The following LRP2 variants were observed in gnomAD, a reference collection of about 807,000 sequenced individuals.
LRP2 encodes low-density lipoprotein receptor-related protein 2.
A neutral mutation model predicts 531.0 loss-of-function variants in LRP2; 172 were observed. That is an observed-to-expected ratio of 0.32 (90% confidence interval 0.29 to 0.37). The LOEUF is 0.37. Among genes scored for constraint, LRP2 ranks in the 10% least tolerant of loss-of-function variants. The pLI is 1.00. For synonymous variants in LRP2, 1,992 were observed against 2,027.6 expected, an observed-to-expected ratio of 0.98 and a Z score of 0.47; for missense variants, 5,167 against 5,868.3, an observed-to-expected ratio of 0.88 and a Z score of 3.90.
intron 63 of LRP2, 44 bp from the exon 64 acceptor site, chr2:169,157,546 A>G (rs775756481): frequency 6.2e-7 from 1 of 1,607,842 alleles, no homozygotes; most frequent in African/African-American, 1.3e-5. Context: ...TCAGCCACAA[A>G]TAACAGTCAA....
Position 169,353,445 on chromosome 2 carries a change from G to A in LRP2, c.79+8876C>T, listed in dbSNP as rs559919674. Among the ~76,000 whole-genome samples the A allele has an allele frequency of 1.1e-4, 17 of 152,184 alleles. No individual in the cohort carries two copies. The South Asian group carries it at 2.1e-3, about 19-fold the overall frequency. On this transcript the variant is annotated intron_variant, in intron 1 of 78. Coordinates refer to ENST00000649046, the MANE Select transcript of LRP2 (RefSeq NM_004525.3). The stretch of plus-strand genomic sequence containing the variant: ...CTGCACCTCGCCTGAACCCCACTCT[G>A]CCTCAGTATTTTTTACTCACATAAG...
intron 54 of LRP2, among the ~76,000 whole-genome samples, chr2:169,175,914 C>T (rs1460840598): frequency 6.6e-6 from 1 of 152,182 alleles, no homozygotes; most frequent in Non-Finnish European, 1.5e-5. Flanking sequence ...TAACTCAGGT[C>T]CCCTAGTTAT....
intron 66 of LRP2, among the ~76,000 whole-genome samples, 169 bp from the exon 67 acceptor site, chr2:169,153,133 C>T (rs942216287): frequency 2.0e-5 from 3 of 152,198 alleles, no homozygotes; most frequent in Non-Finnish European, 1.5e-5. Context: ...AACTTTAAAA[C>T]CTATCAAACT....
intron 3 of LRP2, among the ~76,000 whole-genome samples, chr2:169,316,539 A>G (rs1403628310): frequency 6.6e-6 from 1 of 152,192 alleles, no homozygotes; most frequent in African/African-American, 2.4e-5. Flanking sequence ...TAATAAAGAT[A>G]AAATATGTAG....
intron 1 of LRP2, among the ~76,000 whole-genome samples, chr2:169,338,458 A>G (rs532841290): frequency 5.4e-4 from 82 of 152,072 alleles, no homozygotes; most frequent in Admixed American, 2.0e-3. Flanking sequence ...GAAAGGAAGG[A>G]AGGAAGGAAG....
At chr2:169,211,932 T>C (rs1458850658) in intron 37 of LRP2, 36 bp downstream of exon 37, 2 of 1,613,444 alleles carry the variant, frequency 1.2e-6, no homozygotes, top group East Asian at 2.2e-5. Context: ...TGGTGCCAGA[T>C]GAAGTCAAAT....
Position 169,216,245 on chromosome 2 carries a change from G to T in LRP2, c.5826+8C>A, listed in dbSNP as rs371288915. ...ATAAAGACCAAAAGACTGAAAGGGT[G>T]CTCATACCACTCCTCTTCCAGTGAC... On this transcript the variant is annotated splice_region_variant and intron_variant, in intron 35 of 78. Coordinates refer to ENST00000649046, the MANE Select transcript of LRP2 (RefSeq NM_004525.3). 1.9e-6 allele frequency: 3 copies of T among 1,612,918 alleles called. No individual in the cohort carries two copies. The highest frequency in any genetic ancestry group is 1.7e-6 in the Non-Finnish European group (2 of 1,179,330).
At chr2:169,190,445 T>G (rs1272268517) in intron 48 of LRP2, among the ~76,000 whole-genome samples, 2 of 152,162 alleles carry the variant, frequency 1.3e-5, no homozygotes, top group Admixed American at 1.3e-4. Context: ...CCCTGCTCCT[T>G]CACCTCCTCC....
At chr2:169,163,013 C>T (rs541164801) in intron 62 of LRP2, among the ~76,000 whole-genome samples, 7 of 152,188 alleles carry the variant, frequency 4.6e-5, no homozygotes, top group East Asian at 3.9e-4. Flanking sequence ...TTAATTACTC[C>T]GAATAACATA....
At chr2:169,318,139 C>A (rs1292943210) in intron 3 of LRP2, among the ~76,000 whole-genome samples, 1 of 151,950 alleles carries the variant, frequency 6.6e-6, no homozygotes, top group East Asian at 1.9e-4. Context: ...TTAAAACAGT[C>A]TTTTCCAGTC....
At chr2:169,200,688 G>T (rs912900160) in intron 44 of LRP2, among the ~76,000 whole-genome samples, 1 of 152,130 alleles carries the variant, frequency 6.6e-6, no homozygotes, top group Non-Finnish European at 1.5e-5. Context: ...CAAGCAAAAG[G>T]TATTTATCCT....
In LRP2 at chr2:169,212,133, C is replaced by T. The variant is rs1181972030; in HGVS notation, c.6115G>A (p.Gly2039Arg). ...GTGGCACAGGCGCAGGAAAACAATC[C>T]TCCTGGTACAGGCAGGCAAATCTGC... ...CQQICLPVPG[G>R]LFSCACATGF... Residue 2039 changes from glycine (G) to arginine (R), a missense_variant, in exon 37 of 79, where the codon GGA becomes AGA. Gly to Arg is a moderately radical substitution (Grantham distance 125). Around this residue, in one of 6 missense-constraint regions of LRP2, gnomAD observed 2,811 missense variants for 3,058.0 expected, o/e 0.92. Coordinates refer to ENST00000649046, the MANE Select transcript of LRP2 (RefSeq NM_004525.3). 1.9e-6 allele frequency: 3 copies of T among 1,614,010 alleles called. No homozygotes were observed. Among genetic ancestry groups the T allele is most frequent in the East Asian group, 2.2e-5 (1 of 44,880 alleles).
At chr2:169,279,879 T>C (rs1336491676) in intron 11 of LRP2, among the ~76,000 whole-genome samples, 3 of 152,190 alleles carry the variant, frequency 2.0e-5, no homozygotes, top group South Asian at 2.1e-4. Flanking sequence ...CCCATCACAC[T>C]TTCCAAATAA....
chr2:169,194,393 A>C (rs572137570), intron 46 of LRP2, among the ~76,000 whole-genome samples: 1 of 152,188 alleles, frequency 6.6e-6, no homozygotes, highest in African/African-American at 2.4e-5. Context: ...TATTAGCTCC[A>C]TGTGGGTAGG....
In LRP2 at chr2:169,272,907, G is replaced by A. The variant is rs771306936; in HGVS notation, c.2116+20C>T. On this transcript the variant is annotated intron_variant, in intron 15 of 78. Coordinates refer to ENST00000649046, the MANE Select transcript of LRP2 (RefSeq NM_004525.3). ...TACACCTGTGTCACCTGCCAACAAC[G>A]TCCAAAACAGACTTCTTACCAATGC... 3 of 1,613,466 alleles carry A rather than the reference G, an allele frequency of 1.9e-6. No homozygotes were observed. The highest frequency in any genetic ancestry group is 2.2e-5 in the South Asian group (2 of 91,074).
chr2:169,139,220 A>T, intron 74 of LRP2, 31 bp downstream of exon 74: 1 of 1,614,064 alleles, frequency 6.2e-7, no homozygotes. Flanking sequence ...CTTAGGCTTC[A>T]AACATCAACG....
In LRP2 at chr2:169,328,449, A is replaced by G. The variant is rs868262378; in HGVS notation, c.80-7565T>C. Among the ~76,000 whole-genome samples, 25 of 141,278 alleles carry G rather than the reference A, an allele frequency of 1.8e-4. No homozygotes were observed. The South Asian group carries it at 5.4e-3, about 31-fold the overall frequency. 92.7% of individuals were successfully genotyped at this position (141,278 alleles called of 152,430 possible). On this transcript the variant is annotated intron_variant, in intron 1 of 78. Transcript: ENST00000649046. ...TTGAGAACGGGCCGGGATAAAAAAA[A>G]AAAAAAAAAAAAAAAGAAAAAAAAA...
At chr2:169,157,198 G>T (rs1272282925) in intron 64 of LRP2, among the ~76,000 whole-genome samples, 173 bp downstream of exon 64, 1 of 152,118 alleles carries the variant, frequency 6.6e-6, no homozygotes, top group Non-Finnish European at 1.5e-5. Flanking sequence ...CAGATAGCAT[G>T]CATGCAGGTG....
intron 4 of LRP2, 44 bp downstream of exon 4, chr2:169,307,237 C>A: frequency 7.7e-7 from 1 of 1,297,788 alleles, no homozygotes; most frequent in Non-Finnish European, 1.1e-6. Flanking sequence ...GCCAAAGGGA[C>A]AAGGGTGAAA....
Sources: gnomAD v4.1 joint callset for allele counts (sites outside exome capture counted in the v4.1 genomes callset) on GRCh38, gnomAD v4.1.1 for gene constraint, gnomAD v4.1.1 regional missense constraint, MANE v1.5 for transcripts, NCBI Gene and HGNC (gene_info 2026-07-23, HGNC 2026-07-21) for gene names.